The following SYN2 variants were observed in gnomAD, a reference collection of about 807,000 sequenced individuals.
SYN2 encodes synapsin-2.
In SYN2, 19 loss-of-function variants were observed where a neutral mutation model predicts 50.9. The ratio of observed to expected loss-of-function variants is 0.37; its 90% CI spans 0.26 to 0.55. The LOEUF (loss-of-function observed/expected upper bound fraction) is 0.55, where lower values mean the gene tolerates loss of function less well. Among genes scored for constraint, SYN2 ranks in the 20% least tolerant of loss-of-function variants. The pLI, the probability that SYN2 is intolerant of heterozygous loss-of-function variation, is 0.81. For missense variants in SYN2, 587 were observed against 576.4 expected (o/e 1.02, Z -0.19); for synonymous variants, 255 against 224.9 (o/e 1.13, Z -1.20).
chr3:12,158,127 C>T (rs917318393), intron 5 of SYN2, among the ~76,000 whole-genome samples: 17 of 152,102 alleles, frequency 1.1e-4, no homozygotes, highest in South Asian at 6.2e-4. Flanking sequence ...AGCGCTAAGA[C>T]GGTTAGAGAT....
At chr3:12,178,652 A>G (rs570955404) in intron 10 of SYN2, among the ~76,000 whole-genome samples, 1 of 152,308 alleles carries the variant, frequency 6.6e-6, no homozygotes, top group Admixed American at 6.5e-5. Context: ...ACACAACAAT[A>G]TCTTCTCCAC....
intron 5 of SYN2, 94 bp downstream of exon 5, chr3:12,151,420 T>G: frequency 1.0e-6 from 1 of 953,648 alleles, no homozygotes; most frequent in Non-Finnish European, 1.7e-6. Context: ...GGCCTCAGCA[T>G]CTCAACCCCA....
At chr3:12,038,571 C>T (rs544898543) in intron 1 of SYN2, among the ~76,000 whole-genome samples, 3 of 152,044 alleles carry the variant, frequency 2.0e-5, no homozygotes, top group South Asian at 2.1e-4. Flanking sequence ...TTATTTTGTT[C>T]TTCAATTTCT....
intron 1 of SYN2, among the ~76,000 whole-genome samples, chr3:12,042,262 T>C (rs1371854748): frequency 6.6e-6 from 1 of 152,222 alleles, no homozygotes; most frequent in Non-Finnish European, 1.5e-5. Flanking sequence ...ACATTTATTA[T>C]ATTTCTTAAT....
intron 4 of SYN2, 109 bp downstream of exon 4, chr3:12,145,944 C>G: frequency 1.4e-6 from 2 of 1,473,120 alleles, no homozygotes; most frequent in Non-Finnish European, 1.9e-6. Flanking sequence ...CAGGAGGGTC[C>G]CTACATCTTC....
intron 1 of SYN2, among the ~76,000 whole-genome samples, chr3:12,086,001 G>T (rs1211271722): frequency 6.6e-6 from 1 of 152,042 alleles, no homozygotes; most frequent in Admixed American, 6.6e-5. Flanking sequence ...CAGTATTTTA[G>T]CTAGACTAAC....
intron 1 of SYN2, among the ~76,000 whole-genome samples, chr3:12,111,838 A>G (rs577623143): frequency 1.3e-5 from 2 of 152,280 alleles, no homozygotes; most frequent in African/African-American, 4.8e-5. Context: ...GACAAATTAG[A>G]GAATCCTTGG....
chr3:12,142,829 T>G (rs901871587), intron 3 of SYN2, among the ~76,000 whole-genome samples: 9 of 152,108 alleles, frequency 5.9e-5, no homozygotes, highest in African/African-American at 1.9e-4. Flanking sequence ...CAATCTACAG[T>G]AACCTGACAG....
rs146985195 is a variant in SYN2 at position 12,069,601 on chromosome 3, G to A, written c.377+64673G>A. ...GTATACCTAAGGAGTGAAATTGCTG[G>A]CTGCTATGATAATTCTCTTTAATGT... On this transcript the variant is annotated intron_variant, in intron 1 of 12. Coordinates refer to ENST00000621198, the MANE Select transcript of SYN2 (RefSeq NM_133625.6). 2.2e-4 allele frequency among the ~76,000 whole-genome samples: 34 copies of A among 152,104 alleles called. 1 individual carries two copies. The highest frequency in any genetic ancestry group is 3.9e-4 in the Admixed American group (6 of 15,282).
intron 4 of SYN2, among the ~76,000 whole-genome samples, chr3:12,148,097 G>A (rs1198812546): frequency 6.6e-6 from 1 of 151,984 alleles, no homozygotes; most frequent in Non-Finnish European, 1.5e-5. Context: ...CTGGGCGACA[G>A]AGCGAGACTC....
intron 1 of SYN2, among the ~76,000 whole-genome samples, chr3:12,037,466 G>A (rs746121666): frequency 2.7e-4 from 41 of 152,158 alleles, no homozygotes; most frequent in Non-Finnish European, 5.1e-4. Flanking sequence ...AGTTCTGAAG[G>A]CTAGGAAGTC....
rs115955047 is a variant in SYN2 at position 12,106,183 on chromosome 3, C to A, written c.378-34468C>A. Among the ~76,000 whole-genome samples, 347 of 152,280 alleles carry A rather than the reference C, an allele frequency of 2.3e-3. 1 individual carries two copies. Among genetic ancestry groups the A allele is most frequent in the African/African-American group, 7.7e-3 (318 of 41,556 alleles). Reference sequence around the variant, plus strand: ...GGCCACTCCCAGTTCCTCCAGGCTGCCTGCATTCTTTGACATGTGGCCTTC... The same window carrying A: ...GGCCACTCCCAGTTCCTCCAGGCTGACTGCATTCTTTGACATGTGGCCTTC... On this transcript the variant is annotated intron_variant, in intron 1 of 12. Coordinates refer to ENST00000621198, the MANE Select transcript of SYN2 (RefSeq NM_133625.6).
At chr3:12,130,209 C>T (rs1696764034) in intron 1 of SYN2, among the ~76,000 whole-genome samples, 1 of 148,172 alleles carries the variant, frequency 6.7e-6, no homozygotes, top group Non-Finnish European at 1.5e-5. Context: ...CATATATACA[C>T]AGAGAGATGT....
rs541675632 is a variant in SYN2, at chr3:12,159,871, C to T, written c.775-1675C>T. Among the ~76,000 whole-genome samples, 14 of 151,484 alleles carry T rather than the reference C, an allele frequency of 9.2e-5. No individual in the cohort carries two copies. The South Asian group carries it at 1.5e-3, about 16-fold the overall frequency. ...CACCCTAGCCATCATGATGAAACTCCGTCCCTACTAAAAATACAAAAGTTA... is the reference window on the plus strand; with the variant it reads ...CACCCTAGCCATCATGATGAAACTCTGTCCCTACTAAAAATACAAAAGTTA... On this transcript the variant is annotated intron_variant, in intron 5 of 12. Coordinates refer to ENST00000621198, the MANE Select transcript of SYN2 (RefSeq NM_133625.6).
At chr3:12,094,156 C>T (rs1193141741) in intron 1 of SYN2, among the ~76,000 whole-genome samples, 1 of 152,038 alleles carries the variant, frequency 6.6e-6, no homozygotes, top group Non-Finnish European at 1.5e-5. Context: ...TGCCTGGCCC[C>T]TGCAATTTAA....
intron 9 of SYN2, 123 bp from the exon 10 acceptor site, chr3:12,169,634 A>G: frequency 9.4e-7 from 1 of 1,067,420 alleles, no homozygotes; most frequent in Non-Finnish European, 1.3e-6. Flanking sequence ...AGCTGAAGAG[A>G]AGAACTCCTG....
In SYN2 at chr3:12,158,894, A is replaced by T; in HGVS notation, c.775-2652A>T. On this transcript the variant is annotated intron_variant, in intron 5 of 12. Coordinates refer to ENST00000621198, the MANE Select transcript of SYN2 (RefSeq NM_133625.6). ...GAGGTCTGGGGGACTGGACGGCCCC[A>T]GCAGGGCTCCTTCCCAAGGCCGTTG... 4 of 1,468,254 alleles carry T rather than the reference A, an allele frequency of 2.7e-6. No individual in the cohort carries two copies. In the East Asian group the frequency reaches 1.0e-4, roughly 37 times the overall value. 91.0% of individuals were successfully genotyped at this position (1,468,254 alleles called of 1,614,324 possible).
chr3:12,031,365 G>T (rs879331714), intron 1 of SYN2, among the ~76,000 whole-genome samples: 20 of 129,264 alleles, frequency 1.5e-4, no homozygotes, highest in South Asian at 6.0e-4. Flanking sequence ...TGTTGATTTG[G>T]GGTGGAGAGT....
At chr3:12,089,143 C>T (rs1226964433) in intron 1 of SYN2, among the ~76,000 whole-genome samples, 4 of 152,146 alleles carry the variant, frequency 2.6e-5, no homozygotes, top group Non-Finnish European at 4.4e-5. Context: ...TATACGTATT[C>T]GTCTGTTCTT....
Sources: gnomAD v4.1 joint callset for allele counts (sites outside exome capture counted in the v4.1 genomes callset) on GRCh38, gnomAD v4.1.1 for gene constraint, MANE v1.5 for transcripts, NCBI Gene and HGNC (gene_info 2026-07-23, HGNC 2026-07-21) for gene names.